EXD3: variants seen among roughly 807,000 people sequenced by gnomAD.
EXD3 encodes exonuclease mut-7 homolog.
Under a neutral mutation model 98.0 loss-of-function variants are expected in EXD3, and 92 were observed. The ratio of observed to expected loss-of-function variants is 0.94; its 90% CI spans 0.79 to 1.12. The LOEUF (loss-of-function observed/expected upper bound fraction) is 1.12. EXD3 is among the 50% of genes most tolerant of loss of function. EXD3 has a pLI of 0.00. For missense variants in EXD3, 1,222 were observed against 1,191.6 expected, an observed-to-expected ratio of 1.03 and a Z score of -0.38; for synonymous variants, 569 against 526.0, an observed-to-expected ratio of 1.08 and a Z score of -1.12.
chr9:137,387,385 G>A (rs1225458371), intron 2 of EXD3, among the ~76,000 whole-genome samples: 4 of 152,350 alleles, frequency 2.6e-5, no homozygotes, highest in Non-Finnish European at 4.4e-5. Flanking sequence ...TGAGTCTCTC[G>A]GGCCAGAGCT....
intron 1 of EXD3, among the ~76,000 whole-genome samples, chr9:137,419,398 G>A (rs537975703): frequency 5.3e-5 from 8 of 152,202 alleles, no homozygotes; most frequent in African/African-American, 1.2e-4. Flanking sequence ...GGCCGGGCAC[G>A]GTGGCTCATG....
At chr9:137,394,445 GCCCGGCCTCCCAGCCTCCGCTTCCCTAAC>G (rs1227503201) in intron 2 of EXD3, among the ~76,000 whole-genome samples, 597 of 81,870 alleles carry the variant, frequency 7.3e-3, no homozygotes, top group African/African-American at 0.018. Context: ...GCTTCCCTAA[GCCCGGCCTCCCAGCCTCCGCTTCCCTAAC>G]CCCGGCCTCC....
chr9:137,376,497 T>C (rs1291380011), intron 3 of EXD3, among the ~76,000 whole-genome samples: 6 of 151,970 alleles, frequency 3.9e-5, no homozygotes, highest in Admixed American at 1.3e-4. Context: ...GACAAGTAGA[T>C]TTACGGCCCA....
intron 1 of EXD3, among the ~76,000 whole-genome samples, chr9:137,418,768 GAAA>G (rs56729101): frequency 7.0e-6 from 1 of 142,584 alleles, no homozygotes; most frequent in Non-Finnish European, 1.5e-5. Flanking sequence ...TGAGTAAACA[GAAA>G]AAAAAAAAGG....
rs1285835053 is a variant in EXD3 at position 137,347,053 on chromosome 9, ATCC to A, written c.1998+1015_1998+1017del. Among the ~76,000 whole-genome samples the A allele has an allele frequency of 6.6e-6, 1 of 152,084 alleles. No individual in the cohort carries two copies. Among genetic ancestry groups the A allele is most frequent in the East Asian group, 1.9e-4 (1 of 5,192 alleles). On this transcript the variant is annotated intron_variant, in intron 17 of 21. Transcript: ENST00000340951. The surrounding 1 kb of genome is among the most constrained non-coding windows in gnomAD (Gnocchi z 4.2). ...CTGGTCTTGAACCCCTGACCTTGTG[ATCC>A]ACCCGCCTCGGCCTCCCAGAGTGCA... is the stretch of plus-strand genomic sequence containing the variant.
At chr9:137,326,890 C>T (rs1214832918) in intron 17 of EXD3, among the ~76,000 whole-genome samples, 1 of 151,960 alleles carries the variant, frequency 6.6e-6, no homozygotes, top group East Asian at 1.9e-4. Context: ...CAAGCACATC[C>T]TCATACATCA....
intron 1 of EXD3, among the ~76,000 whole-genome samples, chr9:137,420,945 G>GC (rs1305372231): frequency 1.3e-5 from 2 of 152,190 alleles, no homozygotes; most frequent in African/African-American, 4.8e-5. Flanking sequence ...CTCCTGAGTA[G>GC]CTGGGACTAC....
At position 137,393,129 on chromosome 9, in the gene EXD3, C is replaced by T; in HGVS notation, c.55+2174G>A. The T allele has an allele frequency of 1.4e-6, 1 of 701,088 alleles. No homozygotes were observed. Among genetic ancestry groups the T allele is most frequent in the East Asian group, 2.7e-5 (1 of 37,258 alleles). The allele number at this position is 701,088 out of a possible 1,614,324, so 43.4% of individuals were successfully genotyped here. On this transcript the variant is annotated intron_variant, in intron 2 of 21. Transcript: ENST00000340951. This position sits in a 1 kb window ranked among gnomAD's most constrained non-coding sequence, Gnocchi z 4.6. Reference sequence around the variant, plus strand: ...GTTCCAGGGAGGGCCATTAGTGTTCCAGGGGGCGCCGAGGCTGTTCCAGGG... The same window carrying T: ...GTTCCAGGGAGGGCCATTAGTGTTCTAGGGGGCGCCGAGGCTGTTCCAGGG...
chr9:137,380,898 A>G (rs1224815512), intron 3 of EXD3, among the ~76,000 whole-genome samples: 9 of 149,248 alleles, frequency 6.0e-5, no homozygotes, highest in Middle Eastern at 3.6e-3. Context: ...TCAGGAGTTC[A>G]AGACCAGCCT....
At position 137,348,182 on chromosome 9, in the gene EXD3, G is replaced by C. The variant is rs4078069; in HGVS notation, c.1887C>G (p.Ala629=). The change falls in exon 17 of 22, where the codon GCC becomes GCG. Residue 629 remains alanine (A), a synonymous_variant. Transcript: ENST00000340951. ...GCATGTTGTCACACACCACACGGAAGGCCCTGGCCGGAATCTGAGGGGCAG... is the reference window on the plus strand; with the variant it reads ...GCATGTTGTCACACACCACACGGAACGCCCTGGCCGGAATCTGAGGGGCAG... ...EGAAPQIPAR[A]FRVVCDNMLQ... is the part of the protein sequence containing the mutation. 105,808 of 1,611,684 alleles carry C rather than the reference G, an allele frequency of 0.066. 4,745 individuals carry two copies. The highest frequency in any genetic ancestry group is 0.22 in the African/African-American group (16,353 of 74,802).
chr9:137,353,045 A>T (rs73581564), intron 10 of EXD3: 42,241 of 1,310,876 alleles, frequency 0.032, 794 homozygotes, highest in Non-Finnish European at 0.037. Flanking sequence ...CGGGTCTCCA[A>T]GCCTGAGGTG....
rs965511498 is a variant in EXD3 at position 137,349,928 on chromosome 9, G to C, written c.1495-397C>G. On this transcript the variant is annotated intron_variant, in intron 14 of 21. Transcript: ENST00000340951. This position sits in a 1 kb window ranked among gnomAD's most constrained non-coding sequence, Gnocchi z 7.4. ...GACAAAATGCAGCGAAACCACCCCC[G>C]GGGGGCTCTAGTGCTCATGCTAGGG... Among the ~76,000 whole-genome samples, 1 of 151,954 alleles carries C rather than the reference G, an allele frequency of 6.6e-6. No homozygotes were observed. Among genetic ancestry groups the C allele is most frequent in the African/African-American group, 2.4e-5 (1 of 41,332 alleles).
At position 137,408,546 on chromosome 9, in the gene EXD3, CA is replaced by C. The variant is rs570243090; in HGVS notation, c.-47-13143del. Among the ~76,000 whole-genome samples, 94 of 44,484 alleles carry C rather than the reference CA, an allele frequency of 2.1e-3. 3 individuals are homozygous for C. The highest frequency in any genetic ancestry group is 0.024 in the Middle Eastern group (2 of 82). 29.2% of individuals were successfully genotyped at this position (44,484 alleles called of 152,430 possible). On this transcript the variant is annotated intron_variant, in intron 1 of 21. Transcript: ENST00000340951. The stretch of plus-strand genomic sequence containing the variant: ...TGGGCGATAGAGTGAGACTCTGCCT[CA>C]AAAAAAAAAAAAAAAAAAGAGGGCT...
intron 2 of EXD3, among the ~76,000 whole-genome samples, chr9:137,387,689 C>T (rs372456276): frequency 8.5e-5 from 13 of 152,262 alleles, no homozygotes; most frequent in East Asian, 3.9e-4. Context: ...GCACGGGGTC[C>T]GAGAAGGGCG....
rs1269649445 is a variant in EXD3 at position 137,361,242 on chromosome 9, C to T, written c.657-4874G>A. On this transcript the variant is annotated intron_variant, in intron 7 of 21. Coordinates refer to ENST00000340951, the MANE Select transcript of EXD3 (RefSeq NM_017820.5). ...AAGAGCTGTGGAGCTCTGCAGGGAG[C>T]GCCCTTGAGAATTCGCCCAAGTAAA... Among the ~76,000 whole-genome samples, 8 of 87,004 alleles carry T rather than the reference C, an allele frequency of 9.2e-5. 2 individuals carry two copies. The highest frequency in any genetic ancestry group is 7.4e-4 in the South Asian group (1 of 1,352). 57.1% of individuals were successfully genotyped at this position (87,004 alleles called of 152,430 possible). A position where few individuals can be genotyped will look rare whatever the true frequency, so the allele number is the denominator to read the frequency against.
intron 3 of EXD3, among the ~76,000 whole-genome samples, chr9:137,373,815 A>G (rs981262039): frequency 6.6e-6 from 1 of 152,184 alleles, no homozygotes; most frequent in African/African-American, 2.4e-5. Flanking sequence ...TGCACTAATT[A>G]TCCCATAAAG....
rs1325647284 is a variant in EXD3 at position 137,349,968 on chromosome 9, T to C, written c.1495-437A>G. On this transcript the variant is annotated intron_variant, in intron 14 of 21. Transcript: ENST00000340951. The surrounding 1 kb of genome is among the most constrained non-coding windows in gnomAD (Gnocchi z 7.4). ...TCATGCTAGGGGCGCTCCACGTGTG[T>C]GTCTGGGGTGGCGTGTGTGCCCAGA... Among the ~76,000 whole-genome samples, 1 of 146,726 alleles carries C rather than the reference T, an allele frequency of 6.8e-6. No homozygotes were observed. The highest frequency in any genetic ancestry group is 1.5e-5 in the Non-Finnish European group (1 of 67,032).
Position 137,383,400 on chromosome 9 carries a change from G to T in EXD3, c.56-23C>A, listed in dbSNP as rs371608724. 2.6e-6 allele frequency: 4 copies of T among 1,521,356 alleles called. No homozygotes were observed. The African/African-American group carries it at 5.5e-5, about 21-fold the overall frequency. 94.2% of individuals were successfully genotyped at this position (1,521,356 alleles called of 1,614,324 possible). A position where few individuals can be genotyped will look rare whatever the true frequency, so the allele number is the denominator to read the frequency against. ...GGCCTGTGGAGATAAGATAACAGCC[G>T]TGGGAGGGAGAGGCAGGTGCAGGGG... On this transcript the variant is annotated intron_variant, in intron 2 of 21. Coordinates refer to ENST00000340951, the MANE Select transcript of EXD3 (RefSeq NM_017820.5).
At chr9:137,355,199 C>T (rs1033239165) in intron 8 of EXD3, among the ~76,000 whole-genome samples, 2 of 152,218 alleles carry the variant, frequency 1.3e-5, no homozygotes, top group South Asian at 4.1e-4. Flanking sequence ...CACGTCCACA[C>T]CCTCCGTCAG....
Sources: allele counts gnomAD v4.1 joint callset (sites outside exome capture counted in the v4.1 genomes callset), GRCh38; gene constraint gnomAD v4.1.1; non-coding constraint Gnocchi (gnomAD v3.1); transcripts MANE v1.5; gene names NCBI Gene and HGNC (gene_info 2026-07-23, HGNC 2026-07-21).